The following ZWINT variants were observed in gnomAD, a reference collection of about 807,000 sequenced individuals.
ZWINT encodes ZW10 interacting kinetochore protein, also known as outer kinetochore KNL1 complex subunit ZWINT.
ZWINT carries 41 observed loss-of-function variants against 41.5 expected under a neutral mutation model. The ratio of observed to expected loss-of-function variants is 0.99; its 90% CI spans 0.77 to 1.28. The LOEUF is 1.28. Among genes scored for constraint, ZWINT ranks in the 50% most tolerant of loss-of-function variants. ZWINT has a pLI of 0.00. For missense variants in ZWINT, 369 were observed against 329.7 expected (o/e 1.12, Z -0.92); for synonymous variants, 132 against 126.8 (o/e 1.04, Z -0.28).
chr10:56,358,776 G>C lies in ZWINT; in HGVS notation c.623+29C>G, dbSNP rs371222867. ...AAAGGAATCTCAGCTGGACCATTTT[G>C]AATCTGCAGCCCATGCTCCCGAACT... On this transcript the variant is annotated intron_variant, in intron 6 of 8. Transcript: ENST00000373944. 1.5e-5 allele frequency: 25 copies of C among 1,613,828 alleles called. No homozygotes were observed. In the South Asian group the frequency reaches 2.7e-4, roughly 18 times the overall value.
Position 56,359,816 on chromosome 10 carries a change from C to G in ZWINT, c.294G>C (p.Glu98Asp), listed in dbSNP as rs564402550. ...KAIAAKEQWKELKATYREHVE... is the reference protein window; with the variant it reads ...KAIAAKEQWKDLKATYREHVE... ...CGTGCTCCCTGTAGGTGGCCTTCAGCTCTTTCCATTGTTCCTTAGCTGCAA... is the reference window on the plus strand; with the variant it reads ...CGTGCTCCCTGTAGGTGGCCTTCAGGTCTTTCCATTGTTCCTTAGCTGCAA... The change falls in exon 4 of 9, where the codon GAG becomes GAC. Residue 98 changes from glutamate (E) to aspartate (D), a missense_variant. Transcript: ENST00000373944. 37 of 1,614,004 alleles carry G rather than the reference C, an allele frequency of 2.3e-5. No individual in the cohort carries two copies. The highest frequency in any genetic ancestry group is 2.8e-5 in the Non-Finnish European group (33 of 1,180,040).
At position 56,357,816 on chromosome 10, in the gene ZWINT, C is replaced by A. The variant is rs1015895767; in HGVS notation, c.*411G>T. ...ACCTTAGCACAAAGAAAGGACTCAACAAACATTTGGATCCATGAATAAAAT... is the reference window on the plus strand; with the variant it reads ...ACCTTAGCACAAAGAAAGGACTCAAAAAACATTTGGATCCATGAATAAAAT... On this transcript the variant is annotated 3_prime_UTR_variant, in exon 9 of 9. Transcript: ENST00000373944. The A allele has an allele frequency of 1.2e-5, 4 of 344,932 alleles. No homozygotes were observed. The highest frequency in any genetic ancestry group is 2.3e-5 in the Non-Finnish European group (4 of 176,436). 21.4% of individuals were successfully genotyped at this position (344,932 alleles called of 1,614,324 possible). A position where few individuals can be genotyped will look rare whatever the true frequency, so the allele number is the denominator to read the frequency against.
Position 56,359,540 on chromosome 10 carries a change from T to C in ZWINT, c.424-8A>G. On this transcript the variant is annotated splice_region_variant and splice_polypyrimidine_tract_variant and intron_variant, in intron 4 of 8. Transcript: ENST00000373944. ...CTCCATGGCCATTTGTTTCTACAGATAAGCAAGGGAGAAAGACCAAGAGAA... is the reference window on the plus strand; with the variant it reads ...CTCCATGGCCATTTGTTTCTACAGACAAGCAAGGGAGAAAGACCAAGAGAA... 1 of 1,556,042 alleles carries C rather than the reference T, an allele frequency of 6.4e-7. No homozygotes were observed. The highest frequency in any genetic ancestry group is 8.7e-7 in the Non-Finnish European group (1 of 1,155,614).
Position 56,361,259 on chromosome 10 carries a change from T to C in ZWINT, c.-23A>G, listed in dbSNP as rs1308366676. 9.9e-6 allele frequency: 16 copies of C among 1,608,318 alleles called. No individual in the cohort carries two copies. Among genetic ancestry groups the C allele is most frequent in the Non-Finnish European group, 1.4e-5 (16 of 1,177,774 alleles). ...CATCTTTCCAGGCGCCGAGTTCAGC[T>C]GCCTTCCCACAATCCCTAAGATTAC... On this transcript the variant is annotated 5_prime_UTR_variant, in exon 1 of 9. Coordinates refer to ENST00000373944, the MANE Select transcript of ZWINT (RefSeq NM_007057.4).
intron 2 of ZWINT, 62 bp from the exon 3 acceptor site, chr10:56,360,203 T>G (rs1039135291): frequency 1.4e-5 from 23 of 1,611,832 alleles, no homozygotes; most frequent in Middle Eastern, 1.6e-4. Context: ...TCCTTAAGTC[T>G]GCTCTCTGCC....
chr10:56,360,280 A>C lies in ZWINT; in HGVS notation c.132+13T>G. On this transcript the variant is annotated intron_variant, in intron 2 of 8. Coordinates refer to ENST00000373944, the MANE Select transcript of ZWINT (RefSeq NM_007057.4). The stretch of plus-strand genomic sequence containing the variant: ...CCTGGCTTCTGAAAGGCTCGCTCTC[A>C]TCTTGTACATACCACCACAAACTCA... 1 of 1,614,006 alleles carries C rather than the reference A, an allele frequency of 6.2e-7. No homozygotes were observed. Among genetic ancestry groups the C allele is most frequent in the Non-Finnish European group, 8.5e-7 (1 of 1,179,954 alleles).
At position 56,357,783 on chromosome 10, in the gene ZWINT, C is replaced by T; in HGVS notation, c.*444G>A. 1 of 327,436 alleles carries T rather than the reference C, an allele frequency of 3.1e-6. No individual in the cohort carries two copies. The highest frequency in any genetic ancestry group is 5.9e-6 in the Non-Finnish European group (1 of 168,538). 20.3% of individuals were successfully genotyped at this position (327,436 alleles called of 1,614,324 possible). A position where few individuals can be genotyped will look rare whatever the true frequency, so the allele number is the denominator to read the frequency against. On this transcript the variant is annotated 3_prime_UTR_variant, in exon 9 of 9. Transcript: ENST00000373944. ...AGCTCACTGTTATAATTCTGGTTCACCGCAAGAACCTTAGCACAAAGAAAG... is the reference window on the plus strand; with the variant it reads ...AGCTCACTGTTATAATTCTGGTTCATCGCAAGAACCTTAGCACAAAGAAAG...
intron 2 of ZWINT, 47 bp from the exon 3 acceptor site, chr10:56,360,188 A>G (rs1168750434): frequency 1.9e-6 from 3 of 1,612,470 alleles, no homozygotes; most frequent in Admixed American, 1.7e-5. Flanking sequence ...ACCTCCTTAC[A>G]GGTTTCCTTA....
Position 56,361,204 on chromosome 10 carries a change from T to G in ZWINT, c.33A>C (p.Ala11=), listed in dbSNP as rs138015137. The G allele has an allele frequency of 6.8e-6, 11 of 1,613,276 alleles. No individual in the cohort carries two copies. The highest frequency in any genetic ancestry group is 9.3e-6 in the Non-Finnish European group (11 of 1,179,968). The change falls in exon 1 of 9, where the codon GCA becomes GCC. Residue 11 remains alanine, a synonymous_variant. Coordinates refer to ENST00000373944, the MANE Select transcript of ZWINT (RefSeq NM_007057.4). ...TAGCCGCAAACACTTACTCTAGGGC[T>G]GCAGCTTCCGCCTCTGTCTCCGCTG... MEAAETEAEA[A]ALEVLAEVAG...
chr10:56,358,604 C>G lies in ZWINT; in HGVS notation c.744G>C (p.Glu248Asp), dbSNP rs1838231933. 2 of 1,614,072 alleles carry G rather than the reference C, an allele frequency of 1.2e-6. No homozygotes were observed. Among genetic ancestry groups the G allele is most frequent in the Admixed American group, 3.3e-5 (2 of 60,006 alleles). The change falls in exon 7 of 9, where the codon GAG becomes GAC. Residue 248 changes from glutamate (E) to aspartate (D), a missense_variant. Glu to Asp is a conservative substitution (Grantham distance 45, BLOSUM62 2). Transcript: ENST00000373944. ...TCCCCATGGTGTCTCCTGTACTCTGCTCCTGGGGTCGAGTCGGCTGCTGGG... is the reference window on the plus strand; with the variant it reads ...TCCCCATGGTGTCTCCTGTACTCTGGTCCTGGGGTCGAGTCGGCTGCTGGG... The part of the protein sequence containing the change: ...DKPQQPTRPQ[E>D]QSTGDTMGRD...
At chr10:56,359,969 T>C (rs779146382) in intron 3 of ZWINT, 49 bp downstream of exon 3, 85 of 1,608,784 alleles carry the variant, frequency 5.3e-5, no homozygotes, top group Non-Finnish European at 7.1e-5. Context: ...GAAATCCTCC[T>C]TCCTTCCCCA....
intron 8 of ZWINT, 77 bp downstream of exon 8, chr10:56,358,300 G>T: frequency 8.4e-7 from 1 of 1,195,018 alleles, no homozygotes; most frequent in Non-Finnish European, 1.2e-6. Flanking sequence ...GAGCTCAGAT[G>T]CAGAGAGAGG....
At chr10:56,360,248 A>G in intron 2 of ZWINT, 45 bp downstream of exon 2, 2 of 1,609,500 alleles carry the variant, frequency 1.2e-6, no homozygotes, top group Non-Finnish European at 1.7e-6. Context: ...AGGAGCCAGG[A>G]CCAGACCCTG....
At position 56,359,552 on chromosome 10, in the gene ZWINT, A is replaced by G; in HGVS notation, c.424-20T>C. Reference sequence around the variant, plus strand: ...TTGTTTCTACAGATAAGCAAGGGAGAAAGACCAAGAGAAGTCTATTTTTTC... The same window carrying G: ...TTGTTTCTACAGATAAGCAAGGGAGGAAGACCAAGAGAAGTCTATTTTTTC... On this transcript the variant is annotated intron_variant, in intron 4 of 8. Transcript: ENST00000373944. The G allele has an allele frequency of 6.4e-7, 1 of 1,558,354 alleles. No individual in the cohort carries two copies. The highest frequency in any genetic ancestry group is 8.7e-7 in the Non-Finnish European group (1 of 1,155,862).
At chr10:56,358,222 A>T in intron 8 of ZWINT, 37 bp from the exon 9 acceptor site, 1 of 807,214 alleles carries the variant, frequency 1.2e-6, no homozygotes, top group Non-Finnish European at 2.2e-6. Flanking sequence ...TGGGTGGGCT[A>T]AGCATGGGAA....
rs752934924 is a variant in ZWINT at position 56,360,387 on chromosome 10, G to A, written c.42-4C>T. 1 of 1,613,504 alleles carries A rather than the reference G, an allele frequency of 6.2e-7. No individual in the cohort carries two copies. Among genetic ancestry groups the A allele is most frequent in the African/African-American group, 1.3e-5 (1 of 74,930 alleles). On this transcript the variant is annotated splice_polypyrimidine_tract_variant and splice_region_variant and intron_variant, in intron 1 of 8. Coordinates refer to ENST00000373944, the MANE Select transcript of ZWINT (RefSeq NM_007057.4). ...GCCTGCCACCTCAGCCAGGACCCTGGAGGGGCAAGGAAACACAGGAAATTG... is the reference window on the plus strand; with the variant it reads ...GCCTGCCACCTCAGCCAGGACCCTGAAGGGGCAAGGAAACACAGGAAATTG...
In ZWINT at chr10:56,358,052, A is replaced by G. The variant is rs11005327; in HGVS notation, c.*175T>C. 4.9e-4 allele frequency: 277 copies of G among 567,616 alleles called. 1 individual carries two copies. The East Asian group carries it at 0.011, about 23-fold the overall frequency. 35.2% of individuals were successfully genotyped at this position (567,616 alleles called of 1,614,324 possible). A position where few individuals can be genotyped will look rare whatever the true frequency, so the allele number is the denominator to read the frequency against. On this transcript the variant is annotated 3_prime_UTR_variant, in exon 9 of 9. Transcript: ENST00000373944. ...CCAGCATATGAAGATGAACAAATAC[A>G]CAACTGAGAGAGATCCAGGGATTTT...
In ZWINT at chr10:56,361,063, C is replaced by A. The variant is rs528348295; in HGVS notation, c.41+133G>T. ...ACCTCAGGAACCTAAGACGGGACTG[C>A]GGTGAGGATCACTTCACGGCAGGGT... On this transcript the variant is annotated intron_variant, in intron 1 of 8. Transcript: ENST00000373944. 7.4e-6 allele frequency: 7 copies of A among 949,618 alleles called. No homozygotes were observed. In the Admixed American group the frequency reaches 9.9e-5, roughly 13 times the overall value. The allele number at this position is 949,618 out of a possible 1,614,324, so 58.8% of individuals were successfully genotyped here.
At position 56,360,890 on chromosome 10, in the gene ZWINT, T is replaced by A. The variant is rs2132106328; in HGVS notation, c.41+306A>T. ...GGAGCAATCTACGAAGGGGCAGGGATGGGGATGAGAAGTGACTGGGAATGT... is the reference window on the plus strand; with the variant it reads ...GGAGCAATCTACGAAGGGGCAGGGAAGGGGATGAGAAGTGACTGGGAATGT... On this transcript the variant is annotated intron_variant, in intron 1 of 8. Coordinates refer to ENST00000373944, the MANE Select transcript of ZWINT (RefSeq NM_007057.4). 2.6e-5 allele frequency among the ~76,000 whole-genome samples: 4 copies of A among 152,108 alleles called. 1 individual carries two copies. The South Asian group carries it at 8.3e-4, about 32-fold the overall frequency.
Sources: allele counts gnomAD v4.1 joint callset (sites outside exome capture counted in the v4.1 genomes callset), GRCh38; gene constraint gnomAD v4.1.1; transcripts MANE v1.5; gene names NCBI Gene and HGNC (gene_info 2026-07-23, HGNC 2026-07-21).